The following MECOM variants were observed in gnomAD, a reference collection of about 807,000 sequenced individuals.
MECOM encodes MDS1 and EVI1 complex locus, also known as histone-lysine N-methyltransferase MECOM.
A neutral mutation model predicts 116.3 loss-of-function variants in MECOM; 13 were observed. The ratio of observed to expected loss-of-function variants is 0.11; its 90% CI spans 0.07 to 0.18. The LOEUF is 0.18. Ranked by LOEUF, MECOM falls within the 10% of genes least tolerant of loss-of-function variation. The pLI, the probability that MECOM is intolerant of heterozygous loss-of-function variation, is 1.00. For synonymous variants in MECOM, 528 were observed against 535.2 expected (o/e 0.99, Z 0.19); for missense variants, 1,299 against 1,509.0 (o/e 0.86, Z 2.31).
chr3:169,407,003 C>T (rs1736816475), intron 1 of MECOM, among the ~76,000 whole-genome samples: 1 of 151,870 alleles, frequency 6.6e-6, no homozygotes, highest in Admixed American at 6.6e-5. Context: ...CCACCACGCC[C>T]AGCTAATTTT....
chr3:169,148,987 T>C (rs1203952196), intron 2 of MECOM, among the ~76,000 whole-genome samples: 1 of 151,876 alleles, frequency 6.6e-6, no homozygotes, highest in Non-Finnish European at 1.5e-5. Flanking sequence ...GATATTCCCG[T>C]AGAGTTGGGC....
chr3:169,547,188 C>G (rs4122244), intron 1 of MECOM, among the ~76,000 whole-genome samples: 1 of 152,138 alleles, frequency 6.6e-6, no homozygotes, highest in East Asian at 1.9e-4. Context: ...CTCATGAGAT[C>G]CGGTTGTTGG....
intron 1 of MECOM, among the ~76,000 whole-genome samples, chr3:169,546,483 T>C (rs78239931): frequency 0.072 from 10,960 of 152,228 alleles, 842 homozygotes; most frequent in African/African-American, 0.19. Flanking sequence ...ATGAAGAAAG[T>C]AATATTTAAA....
chr3:169,107,940 C>G lies in MECOM; in HGVS notation c.2590G>C (p.Asp864His). The change falls in exon 10 of 17, where the codon GAT becomes CAT. Residue 864 changes from aspartate (D) to histidine (H), a missense_variant. This residue lies in a region of MECOM where 340 missense variants were observed against 312.6 expected (regional missense o/e 1.09). Coordinates refer to ENST00000651503, the MANE Select transcript of MECOM (RefSeq NM_004991.4). ...FLFHPQFQLP[D>H]QRTWMSAIEN... is the part of the protein sequence containing the mutation. Reference sequence around the variant, plus strand: ...AGGAAACTTACCCAAGTTCTCTGATCAGGCAGTTGGAACTGGGAGCAAAAT... The same window carrying G: ...AGGAAACTTACCCAAGTTCTCTGATGAGGCAGTTGGAACTGGGAGCAAAAT... 1.2e-6 allele frequency: 2 copies of G among 1,612,760 alleles called. No homozygotes were observed. The highest frequency in any genetic ancestry group is 1.7e-6 in the Non-Finnish European group (2 of 1,179,304).
chr3:169,470,663 G>A (rs1749079578), intron 1 of MECOM, among the ~76,000 whole-genome samples: 2 of 152,160 alleles, frequency 1.3e-5, no homozygotes, highest in African/African-American at 2.4e-5. Context: ...GCATGTCACA[G>A]TGCTTGATGT....
chr3:169,453,749 T>A (rs1745996040), intron 1 of MECOM, among the ~76,000 whole-genome samples: 1 of 152,218 alleles, frequency 6.6e-6, no homozygotes. Flanking sequence ...CAGCTGCTCC[T>A]AAGTGGTTTC....
chr3:169,485,923 AG>A lies in MECOM; in HGVS notation c.38-104400del, dbSNP rs1560340167. Among the ~76,000 whole-genome samples, 12 of 83,762 alleles carry A rather than the reference AG, an allele frequency of 1.4e-4. 1 individual carries two copies. Among genetic ancestry groups the A allele is most frequent in the Admixed American group, 8.2e-4 (6 of 7,288 alleles). The allele number at this position is 83,762 out of a possible 152,430, so 55.0% of individuals were successfully genotyped here. The stretch of plus-strand genomic sequence containing the variant: ...ATATAGTATATATGTATGTATATAT[AG>A]TATATATAGTATATATGTATGTATA... On this transcript the variant is annotated intron_variant, in intron 1 of 16. Transcript: ENST00000651503.
At chr3:169,299,614 T>C (rs1023607204) in intron 2 of MECOM, among the ~76,000 whole-genome samples, 2 of 152,128 alleles carry the variant, frequency 1.3e-5, no homozygotes, top group South Asian at 4.1e-4. Context: ...CGGAATCTGA[T>C]CTACAGAGCT....
chr3:169,623,280 A>T (rs560953723), intron 1 of MECOM, among the ~76,000 whole-genome samples: 7 of 152,394 alleles, frequency 4.6e-5, no homozygotes, highest in African/African-American at 1.7e-4. Context: ...TCATGGTTGC[A>T]GCAATCAAAA....
chr3:169,256,374 C>T (rs1577485672), intron 2 of MECOM, among the ~76,000 whole-genome samples: 3 of 151,826 alleles, frequency 2.0e-5, no homozygotes, highest in South Asian at 2.1e-4. Context: ...CCTTAATGGC[C>T]CTGCCCTCTA....
chr3:169,378,858 T>C (rs1356124689), intron 2 of MECOM, among the ~76,000 whole-genome samples: 3 of 152,208 alleles, frequency 2.0e-5, no homozygotes, highest in East Asian at 1.9e-4. Context: ...TGATGCATAG[T>C]AGTCCCTCAA....
intron 2 of MECOM, among the ~76,000 whole-genome samples, chr3:169,233,562 C>T (rs1753672952): frequency 6.6e-6 from 1 of 152,068 alleles, no homozygotes; most frequent in African/African-American, 2.4e-5. Flanking sequence ...AGCAGAGTTT[C>T]CTTAGACCCA....
intron 4 of MECOM, among the ~76,000 whole-genome samples, chr3:169,128,718 C>G (rs1733703669): frequency 6.6e-6 from 1 of 152,112 alleles, no homozygotes; most frequent in Non-Finnish European, 1.5e-5. Context: ...ATTTATGTTA[C>G]CCCAGGGTCA....
chr3:169,499,613 A>AG (rs200489967), intron 1 of MECOM, among the ~76,000 whole-genome samples: 4 of 111,866 alleles, frequency 3.6e-5, no homozygotes, highest in East Asian at 2.6e-4. Flanking sequence ...TACTTCGACC[A>AG]GGGGGAAAAA....
chr3:169,414,417 A>T (rs1241096079), intron 1 of MECOM, among the ~76,000 whole-genome samples: 1 of 152,222 alleles, frequency 6.6e-6, no homozygotes, highest in African/African-American at 2.4e-5. Context: ...TAAATCCATG[A>T]AGATGGGGAA....
In MECOM at chr3:169,221,583, A is replaced by G. The variant is rs536998971; in HGVS notation, c.376-77751T>C. On this transcript the variant is annotated intron_variant, in intron 2 of 16. Coordinates refer to ENST00000651503, the MANE Select transcript of MECOM (RefSeq NM_004991.4). ...AAGAGATGTTAAAAAAAAAAAAAAA[A>G]GCCAGTGGCAGCTCCTGGAAGTCAC... is the stretch of plus-strand genomic sequence containing the variant. Among the ~76,000 whole-genome samples, 10 of 151,110 alleles carry G rather than the reference A, an allele frequency of 6.6e-5. No homozygotes were observed. The South Asian group carries it at 2.1e-3, about 32-fold the overall frequency.
chr3:169,227,262 TA>T (rs1752846166), intron 2 of MECOM, among the ~76,000 whole-genome samples: 1 of 152,036 alleles, frequency 6.6e-6, no homozygotes, highest in African/African-American at 2.4e-5. Flanking sequence ...AAAAGCAAAA[TA>T]AAATACATAC....
intron 1 of MECOM, among the ~76,000 whole-genome samples, chr3:169,599,093 A>G (rs1223806897): frequency 6.6e-6 from 1 of 152,224 alleles, no homozygotes; most frequent in Admixed American, 6.5e-5. Context: ...CAGGGTTTTG[A>G]TAAAACGTTA....
chr3:169,202,819 C>CAAAAAAAA (rs11287862), intron 2 of MECOM, among the ~76,000 whole-genome samples: 4 of 90,278 alleles, frequency 4.4e-5, no homozygotes, highest in Non-Finnish European at 4.6e-5. Context: ...TTGCCATTAG[C>CAAAAAAAA]AAAAAAAAAA....
Sources: allele counts gnomAD v4.1 joint callset (sites outside exome capture counted in the v4.1 genomes callset), GRCh38; gene constraint gnomAD v4.1.1; regional missense constraint gnomAD v4.1.1; transcripts MANE v1.5; gene names NCBI Gene and HGNC (gene_info 2026-07-23, HGNC 2026-07-21).